The following TWIST2 variants were observed in gnomAD, a reference collection of about 807,000 sequenced individuals.
The protein encoded by TWIST2 is twist family bHLH transcription factor 2, also known as twist-related protein 2.
Under a neutral mutation model 11.6 loss-of-function variants are expected in TWIST2, and 1 was observed. That is an observed-to-expected ratio of 0.09 (90% CI 0.03 to 0.41). The LOEUF (loss-of-function observed/expected upper bound fraction) is 0.41. Ranked by LOEUF, TWIST2 falls within the 10% of genes least tolerant of loss-of-function variation. The pLI is 0.98. For missense variants in TWIST2, 168 were observed against 226.4 expected, an observed-to-expected ratio of 0.74 and a Z score of 1.66; for synonymous variants, 87 against 96.6, an observed-to-expected ratio of 0.90 and a Z score of 0.58.
chr2:238,871,174 CCA>C (rs1574755674), intron 1 of TWIST2, among the ~76,000 whole-genome samples: 2 of 5,228 alleles, frequency 3.8e-4, no homozygotes, highest in South Asian at 8.5e-3. Flanking sequence ...CACACACACA[CCA>C]CACACCCCAC....
At chr2:238,858,579 T>A (rs1692370843) in intron 1 of TWIST2, among the ~76,000 whole-genome samples, 2 of 152,154 alleles carry the variant, frequency 1.3e-5, no homozygotes. Context: ...AGTTAAGCAG[T>A]GGAGAACACT....
intron 1 of TWIST2, among the ~76,000 whole-genome samples, chr2:238,890,165 G>T (rs183801742): frequency 8.4e-6 from 1 of 118,690 alleles, no homozygotes; most frequent in East Asian, 2.5e-4. Context: ...GCCTCTGCAC[G>T]TGGTCAGGGA....
intron 1 of TWIST2, among the ~76,000 whole-genome samples, chr2:238,856,841 C>G (rs568131571): frequency 2.6e-4 from 39 of 152,322 alleles, no homozygotes; most frequent in Admixed American, 1.0e-3. Context: ...CAGGGCCCCT[C>G]CACACTGCTG....
At chr2:238,852,553 A>G (rs1692260649) in intron 1 of TWIST2, among the ~76,000 whole-genome samples, 1 of 152,268 alleles carries the variant, frequency 6.6e-6, no homozygotes, top group African/African-American at 2.4e-5. Flanking sequence ...GGATGCTTTC[A>G]AACGTAAAGG....
Position 238,848,389 on chromosome 2 carries a change from G to A in TWIST2, c.174G>A (p.Ala58=). 1.3e-6 allele frequency: 2 copies of A among 1,535,394 alleles called. No individual in the cohort carries two copies. Among genetic ancestry groups the A allele is most frequent in the Non-Finnish European group, 1.7e-6 (2 of 1,146,092 alleles). The part of the protein sequence containing the change: ...GKRGKKGSPS[A]QSFEELQSQR... Reference sequence around the variant, plus strand: ...GCGGCAAGAAGGGCAGCCCCAGCGCGCAGTCCTTCGAGGAGCTGCAGAGCC... The same window carrying A: ...GCGGCAAGAAGGGCAGCCCCAGCGCACAGTCCTTCGAGGAGCTGCAGAGCC... Residue 58 remains alanine, a synonymous_variant, in exon 1 of 2, where the codon GCG becomes GCA. Coordinates refer to ENST00000612363, the MANE Select transcript of TWIST2 (RefSeq NM_001271893.4).
Position 238,866,681 on chromosome 2 carries a change from G to A in TWIST2, c.*35+17948G>A, listed in dbSNP as rs1322423920. On this transcript the variant is annotated intron_variant, in intron 1 of 1. Coordinates refer to ENST00000612363, the MANE Select transcript of TWIST2 (RefSeq NM_001271893.4). The surrounding 1 kb of genome is among the most constrained non-coding windows in gnomAD (Gnocchi z 4.9). ...TGGAAAAAAAAAAGAAAAGCACGGC[G>A]CCTTCATGTTCCATGCCTTCACGCT... 2.6e-5 allele frequency among the ~76,000 whole-genome samples: 4 copies of A among 151,968 alleles called. No homozygotes were observed. Among genetic ancestry groups the A allele is most frequent in the African/African-American group, 9.7e-5 (4 of 41,384 alleles).
chr2:238,864,727 C>T lies in TWIST2; in HGVS notation c.*35+15994C>T, dbSNP rs1319014624. Among the ~76,000 whole-genome samples, 3 of 152,132 alleles carry T rather than the reference C, an allele frequency of 2.0e-5. No homozygotes were observed. The highest frequency in any genetic ancestry group is 1.5e-5 in the Non-Finnish European group (1 of 68,010). On this transcript the variant is annotated intron_variant, in intron 1 of 1. Coordinates refer to ENST00000612363, the MANE Select transcript of TWIST2 (RefSeq NM_001271893.4). The surrounding 1 kb of genome is among the most constrained non-coding windows in gnomAD (Gnocchi z 4.7). Reference sequence around the variant, plus strand: ...GACACTGCCCTGGGGTCCACCCTGCCGCGGGGTCCACTTGGTATAGGCACC... The same window carrying T: ...GACACTGCCCTGGGGTCCACCCTGCTGCGGGGTCCACTTGGTATAGGCACC...
At position 238,848,725 on chromosome 2, in the gene TWIST2, C is replaced by A; in HGVS notation, c.*27C>A. On this transcript the variant is annotated 3_prime_UTR_variant, in exon 1 of 2. Coordinates refer to ENST00000612363, the MANE Select transcript of TWIST2 (RefSeq NM_001271893.4). ...GCCGCGCCACCCACCTCCGGACCGG[C>A]GCGCCAGGGTAGGTGCTGCGCGCGC... 1.4e-6 allele frequency: 2 copies of A among 1,472,270 alleles called. No individual in the cohort carries two copies. Among genetic ancestry groups the A allele is most frequent in the East Asian group, 2.6e-5 (1 of 38,716 alleles). The allele number at this position is 1,472,270 out of a possible 1,614,324, so 91.2% of individuals were successfully genotyped here.
At chr2:238,858,310 ACT>A in intron 1 of TWIST2, among the ~76,000 whole-genome samples, 1 of 152,246 alleles carries the variant, frequency 6.6e-6, no homozygotes, top group East Asian at 1.9e-4. Flanking sequence ...GATCGGTGTG[ACT>A]CTCTACAACA....
intron 1 of TWIST2, among the ~76,000 whole-genome samples, chr2:238,904,511 T>A (rs1279548453): frequency 6.6e-6 from 1 of 151,438 alleles, no homozygotes; most frequent in African/African-American, 2.4e-5. Flanking sequence ...GACTAGAGAT[T>A]TCACATGTGT....
chr2:238,851,313 A>G (rs1420856354), intron 1 of TWIST2, among the ~76,000 whole-genome samples: 1 of 152,244 alleles, frequency 6.6e-6, no homozygotes, highest in Non-Finnish European at 1.5e-5. Context: ...TAAAAGCACA[A>G]TTAGACAATA....
rs1296002849 is a variant in TWIST2, at chr2:238,864,738, C to T, written c.*35+16005C>T. 1.3e-5 allele frequency among the ~76,000 whole-genome samples: 2 copies of T among 152,168 alleles called. No individual in the cohort carries two copies. Among genetic ancestry groups the T allele is most frequent in the African/African-American group, 4.8e-5 (2 of 41,444 alleles). ...GGGGTCCACCCTGCCGCGGGGTCCA[C>T]TTGGTATAGGCACCCACCAGGCCTG... On this transcript the variant is annotated intron_variant, in intron 1 of 1. Transcript: ENST00000612363. The surrounding 1 kb of genome is among the most constrained non-coding windows in gnomAD (Gnocchi z 4.7).
intron 1 of TWIST2, among the ~76,000 whole-genome samples, chr2:238,861,145 G>A (rs971002405): frequency 6.6e-5 from 10 of 152,142 alleles, no homozygotes; most frequent in Non-Finnish European, 1.5e-4. Context: ...TTGTGCAGTC[G>A]GCTTGACAGG....
chr2:238,883,427 A>T (rs866159997), intron 1 of TWIST2, among the ~76,000 whole-genome samples: 17 of 152,202 alleles, frequency 1.1e-4, no homozygotes, highest in Admixed American at 2.6e-4. Flanking sequence ...GTCTCTGAGG[A>T]GCTGAGCTGG....
chr2:238,896,745 A>G (rs1693212024), intron 1 of TWIST2, among the ~76,000 whole-genome samples: 1 of 152,226 alleles, frequency 6.6e-6, no homozygotes, highest in South Asian at 2.1e-4. Flanking sequence ...GAATGGGGCC[A>G]GCCGCTGCCA....
chr2:238,893,746 C>G (rs1285454130), intron 1 of TWIST2, among the ~76,000 whole-genome samples: 2 of 152,244 alleles, frequency 1.3e-5, no homozygotes, highest in Admixed American at 6.5e-5. Flanking sequence ...TTGTTCGCAG[C>G]TTCTGGCACT....
At chr2:238,856,748 C>T (rs1468482273) in intron 1 of TWIST2, among the ~76,000 whole-genome samples, 1 of 152,064 alleles carries the variant, frequency 6.6e-6, no homozygotes, top group African/African-American at 2.4e-5. Flanking sequence ...CCTCAGTGTC[C>T]CTCAGAGACA....
chr2:238,885,797 C>A (rs770214939), intron 1 of TWIST2, among the ~76,000 whole-genome samples: 1 of 152,066 alleles, frequency 6.6e-6, no homozygotes, highest in Non-Finnish European at 1.5e-5. Flanking sequence ...ACTGGTTAGG[C>A]GTGGTGGCTC....
chr2:238,855,784 A>T (rs187094856), intron 1 of TWIST2, among the ~76,000 whole-genome samples: 56 of 152,310 alleles, frequency 3.7e-4, no homozygotes, highest in Non-Finnish European at 6.5e-4. Flanking sequence ...CTGTAAATAC[A>T]GAATGGCCGA....
Sources: allele counts gnomAD v4.1 joint callset (sites outside exome capture counted in the v4.1 genomes callset), GRCh38; gene constraint gnomAD v4.1.1; non-coding constraint Gnocchi (gnomAD v3.1); transcripts MANE v1.5; gene names NCBI Gene and HGNC (gene_info 2026-07-23, HGNC 2026-07-21).